The following SLC26A5 variants were observed in gnomAD, a reference collection of about 807,000 sequenced individuals.
The protein encoded by SLC26A5 is solute carrier family 26 member 5.
SLC26A5 carries 51 observed loss-of-function variants against 81.0 expected under a neutral mutation model. That is an observed-to-expected ratio of 0.63 (90% CI 0.50 to 0.80). The LOEUF (loss-of-function observed/expected upper bound fraction) is 0.80, where lower values mean the gene tolerates loss of function less well. Ranked by LOEUF, SLC26A5 falls within the 30% of genes least tolerant of loss-of-function variation. The probability of loss-of-function intolerance (pLI) is 0.00; values close to 1 mark genes in which losing one functional copy is unlikely to be tolerated. For synonymous variants in SLC26A5, 325 were observed against 332.8 expected, an observed-to-expected ratio of 0.98 and a Z score of 0.25; for missense variants, 771 against 905.8, an observed-to-expected ratio of 0.85 and a Z score of 1.91.
chr7:103,368,301 A>T, intron 19 of SLC26A5: 1 of 372,388 alleles, frequency 2.7e-6, no homozygotes, highest in East Asian at 4.9e-5. Context: ...GCTTGCTTAG[A>T]TGGCTTCTAT....
In SLC26A5 at chr7:103,408,020, G is replaced by C. The variant is rs1453125798; in HGVS notation, c.736-17C>G. On this transcript the variant is annotated splice_polypyrimidine_tract_variant and intron_variant, in intron 7 of 19. Transcript: ENST00000306312. ...AACTGTACTCTGTAACACAGTGAAT[G>C]CTGGATGTTTACATCAAGAAATCGC... The C allele has an allele frequency of 1.1e-5, 18 of 1,613,818 alleles. No individual in the cohort carries two copies. The highest frequency in any genetic ancestry group is 1.7e-5 in the Admixed American group (1 of 59,992).
intron 2 of SLC26A5, among the ~76,000 whole-genome samples, chr7:103,434,585 T>C (rs1826313633): frequency 6.6e-6 from 1 of 152,188 alleles, no homozygotes; most frequent in South Asian, 2.1e-4. Context: ...CTGTCTCTCC[T>C]CTTTTCTAGC....
intron 13 of SLC26A5, 54 bp downstream of exon 13, chr7:103,389,275 C>G: frequency 7.3e-7 from 1 of 1,366,972 alleles, no homozygotes; most frequent in South Asian, 1.2e-5. Flanking sequence ...TTTCTTAGCA[C>G]TAATCATATC....
At chr7:103,396,536 A>T (rs544504738) in intron 9 of SLC26A5, among the ~76,000 whole-genome samples, 16 of 152,366 alleles carry the variant, frequency 1.1e-4, no homozygotes, top group African/African-American at 3.6e-4. Context: ...AATATAGACA[A>T]ACTCTGAAGA....
chr7:103,366,308 A>C (rs1479436209), intron 19 of SLC26A5: 1 of 678,160 alleles, frequency 1.5e-6, no homozygotes, highest in African/African-American at 1.8e-5. Flanking sequence ...AGATCTAATA[A>C]GTAGTAGTGC....
At chr7:103,400,664 T>A (rs1823516226) in intron 8 of SLC26A5, among the ~76,000 whole-genome samples, 1 of 152,262 alleles carries the variant, frequency 6.6e-6, no homozygotes, top group African/African-American at 2.4e-5. Context: ...TGAATGGTAC[T>A]GCCTAGGTTT....
chr7:103,368,985 T>C (rs1330101083), intron 19 of SLC26A5: 1 of 152,168 alleles, frequency 6.6e-6, no homozygotes. Flanking sequence ...TCTACCACAA[T>C]TACCCCTTCC....
intron 8 of SLC26A5, among the ~76,000 whole-genome samples, chr7:103,406,842 G>A (rs189581565): frequency 6.2e-4 from 94 of 152,172 alleles, no homozygotes; most frequent in Non-Finnish European, 1.0e-3. Context: ...TAGTAGAGAC[G>A]GGGTTTCACC....
At chr7:103,422,093 G>C (rs1825396512) in intron 2 of SLC26A5, among the ~76,000 whole-genome samples, 1 of 152,172 alleles carries the variant, frequency 6.6e-6, no homozygotes, top group Non-Finnish European at 1.5e-5. Context: ...AGTAAGTTAA[G>C]AACATCAGCA....
At chr7:103,358,085 G>A (rs1413637074) in intron 19 of SLC26A5, among the ~76,000 whole-genome samples, 1 of 152,138 alleles carries the variant, frequency 6.6e-6, no homozygotes, top group Non-Finnish European at 1.5e-5. Context: ...TCTTGGAAAA[G>A]GGTCAGTTGG....
chr7:103,377,461 T>A, intron 18 of SLC26A5, 138 bp downstream of exon 18: 1 of 770,694 alleles, frequency 1.3e-6, no homozygotes, highest in Non-Finnish European at 2.2e-6. Flanking sequence ...TTTACTTCTA[T>A]ATATTTTTGA....
chr7:103,429,722 T>A (rs1327690345), intron 2 of SLC26A5, among the ~76,000 whole-genome samples: 1 of 152,232 alleles, frequency 6.6e-6, no homozygotes, highest in Non-Finnish European at 1.5e-5. Flanking sequence ...TGGTTTTGAA[T>A]GTAGACTGCA....
Position 103,408,002 on chromosome 7 carries a change from C to A in SLC26A5, c.737G>T (p.Ser246Ile), listed in dbSNP as rs1301020251. ...AACATTCTGCAACACAGCAACTGTA[C>A]TCTGTAACACAGTGAATGCTGGATG... ...RYSGIFSVVYSTVAVLQNVKN... is the reference protein window; with the variant it reads ...RYSGIFSVVYITVAVLQNVKN... The change falls in exon 8 of 20, where the codon AGT (serine) becomes ATT (isoleucine). Residue 246 changes from serine (S) to isoleucine (I), a missense_variant and splice_region_variant. Coordinates refer to ENST00000306312, the MANE Select transcript of SLC26A5 (RefSeq NM_198999.3). 6.2e-7 allele frequency: 1 copy of A among 1,614,000 alleles called. No homozygotes were observed. The highest frequency in any genetic ancestry group is 1.3e-5 in the African/African-American group (1 of 74,916).
At position 103,394,901 on chromosome 7, in the gene SLC26A5, G is replaced by T. The variant is rs377464015; in HGVS notation, c.972-1835C>A. Reference sequence around the variant, plus strand: ...GGTAAATTCTCTGCTTTTCTTTCCTGTTGCTCTGAGCCACCATGTAAAGAG... The same window carrying T: ...GGTAAATTCTCTGCTTTTCTTTCCTTTTGCTCTGAGCCACCATGTAAAGAG... On this transcript the variant is annotated intron_variant, in intron 9 of 19. Coordinates refer to ENST00000306312, the MANE Select transcript of SLC26A5 (RefSeq NM_198999.3). Among the ~76,000 whole-genome samples, 28 of 152,270 alleles carry T rather than the reference G, an allele frequency of 1.8e-4. No individual in the cohort carries two copies. In the East Asian group the frequency reaches 4.4e-3, roughly 24 times the overall value.
At chr7:103,360,519 C>T (rs1034477373) in intron 19 of SLC26A5, among the ~76,000 whole-genome samples, 1 of 152,258 alleles carries the variant, frequency 6.6e-6, no homozygotes, top group Admixed American at 6.5e-5. Context: ...TCAGCCTCCT[C>T]AGTAGCTGGG....
rs570730242 is a variant in SLC26A5, at chr7:103,408,038, G to C, written c.736-35C>G. ...AGTGAATGCTGGATGTTTACATCAA[G>C]AAATCGCCCCTGAGAGAGACAGAGA... On this transcript the variant is annotated intron_variant, in intron 7 of 19. Transcript: ENST00000306312. The C allele has an allele frequency of 1.6e-5, 26 of 1,613,484 alleles. No individual in the cohort carries two copies. The African/African-American group carries it at 2.0e-4, about 12-fold the overall frequency.
intron 2 of SLC26A5, among the ~76,000 whole-genome samples, chr7:103,424,886 T>C (rs1168455440): frequency 1.3e-5 from 2 of 152,164 alleles, no homozygotes; most frequent in African/African-American, 4.8e-5. Flanking sequence ...CCAGTTAGGA[T>C]TTCCACTGGG....
At position 103,421,416 on chromosome 7, in the gene SLC26A5, G is replaced by A. The variant is rs922133831; in HGVS notation, c.99C>T (p.His33=). ...FSHPVLQERL[H]TKDKVPDSIA... is the part of the protein sequence containing the mutation. The stretch of plus-strand genomic sequence containing the variant: ...TGGAATCAGGAACCTTGTCCTTTGT[G>A]TGTAGTCTTTCCTGGAGGACCGGAT... The change falls in exon 3 of 20, where the codon CAC becomes CAT. Residue 33 remains histidine (H), a synonymous_variant. Coordinates refer to ENST00000306312, the MANE Select transcript of SLC26A5 (RefSeq NM_198999.3). The A allele has an allele frequency of 6.2e-7, 1 of 1,614,104 alleles. No individual in the cohort carries two copies. Among genetic ancestry groups the A allele is most frequent in the Non-Finnish European group, 8.5e-7 (1 of 1,179,992 alleles).
At chr7:103,378,880 G>T (rs990081179) in intron 16 of SLC26A5, among the ~76,000 whole-genome samples, 3 of 152,152 alleles carry the variant, frequency 2.0e-5, no homozygotes, top group African/African-American at 7.2e-5. Flanking sequence ...ATACAGCGTG[G>T]TGTAGGGTTG....
Sources: gnomAD v4.1 joint callset for allele counts (sites outside exome capture counted in the v4.1 genomes callset) on GRCh38, gnomAD v4.1.1 for gene constraint, MANE v1.5 for transcripts, NCBI Gene and HGNC (gene_info 2026-07-23, HGNC 2026-07-21) for gene names.